Variants in NCOA3 observed in about 807,000 individuals in gnomAD.
NCOA3 encodes the protein nuclear receptor coactivator 3, also known as CBP-interacting protein.
A neutral mutation model predicts 158.8 loss-of-function variants in NCOA3; 51 were observed. The ratio of observed to expected loss-of-function variants is 0.32; its 90% CI spans 0.26 to 0.41. The LOEUF (loss-of-function observed/expected upper bound fraction) is 0.41, where lower values mean the gene tolerates loss of function less well. Among genes scored for constraint, NCOA3 ranks in the 10% least tolerant of loss-of-function variants. NCOA3 has a pLI of 1.00. For missense variants in NCOA3, 1,510 were observed against 1,746.6 expected (o/e 0.86, Z 2.41); for synonymous variants, 537 against 592.4 (o/e 0.91, Z 1.36).
intron 1 of NCOA3, among the ~76,000 whole-genome samples, chr20:47,515,472 C>CTTTTTTTT (rs111350575): frequency 1.5e-4 from 20 of 130,016 alleles, no homozygotes; most frequent in South Asian, 2.5e-4. Flanking sequence ...TTCTTTCTTT[C>CTTTTTTTT]TTTTTTTTTT....
At chr20:47,543,843 C>T (rs2084783460) in intron 1 of NCOA3, among the ~76,000 whole-genome samples, 1 of 152,118 alleles carries the variant, frequency 6.6e-6, no homozygotes, top group Admixed American at 6.6e-5. Flanking sequence ...TATTTGGTCA[C>T]CTGGTGTGGG....
intron 1 of NCOA3, among the ~76,000 whole-genome samples, chr20:47,575,780 G>A: frequency 6.6e-6 from 1 of 152,190 alleles, no homozygotes; most frequent in East Asian, 1.9e-4. Flanking sequence ...GTCAAAGAGA[G>A]AAATATTGCT....
At chr20:47,628,052 T>C (rs781402899) in intron 8 of NCOA3, 29 bp downstream of exon 8, 2 of 1,501,412 alleles carry the variant, frequency 1.3e-6, no homozygotes, top group South Asian at 1.1e-5. Flanking sequence ...TCTCTCTCTC[T>C]CTCTGTGTAT....
intron 2 of NCOA3, among the ~76,000 whole-genome samples, chr20:47,616,051 A>G (rs111904231): frequency 0.14 from 20,484 of 151,306 alleles, 1,992 homozygotes; most frequent in African/African-American, 0.26. Flanking sequence ...CCAGCTACTC[A>G]GGAGGCTGAG....
rs2284323 is a variant in NCOA3 at position 47,603,481 on chromosome 20, A to G, written c.-19-18748A>G. ...AGCCCAAGTAGGCATGTGTTACAGT[A>G]TGCTCTTTTTGCTTTGCCGACCATG... On this transcript the variant is annotated intron_variant, in intron 2 of 22. Coordinates refer to ENST00000371998, the MANE Select transcript of NCOA3 (RefSeq NM_181659.3). Among the ~76,000 whole-genome samples the G allele has an allele frequency of 2.9e-3, 447 of 152,352 alleles. 10 individuals carry two copies. In the East Asian group the frequency reaches 0.056, roughly 19 times the overall value.
At chr20:47,641,688 C>T (rs8123885) in intron 16 of NCOA3, among the ~76,000 whole-genome samples, 33,996 of 150,522 alleles carry the variant, frequency 0.23, 4,077 homozygotes, top group Middle Eastern at 0.3. Context: ...TTAGTAGAGA[C>T]GGGGTTTCAC....
At chr20:47,514,301 A>T (rs562430828) in intron 1 of NCOA3, among the ~76,000 whole-genome samples, 5 of 152,034 alleles carry the variant, frequency 3.3e-5, no homozygotes, top group Non-Finnish European at 7.4e-5. Context: ...TCATAACCCA[A>T]TTTCAAATTT....
chr20:47,651,890 T>A (rs989047337), intron 20 of NCOA3, among the ~76,000 whole-genome samples: 2 of 151,848 alleles, frequency 1.3e-5, no homozygotes, highest in Admixed American at 1.3e-4. Flanking sequence ...ATGGTCTCGA[T>A]CTCCTGACCT....
At chr20:47,572,686 G>A (rs904347733) in intron 1 of NCOA3, among the ~76,000 whole-genome samples, 4 of 151,936 alleles carry the variant, frequency 2.6e-5, no homozygotes, top group African/African-American at 4.8e-5. Flanking sequence ...GTAGGTGTGC[G>A]CCACCAGACC....
chr20:47,502,651 C>T (rs1569306933), intron 1 of NCOA3, among the ~76,000 whole-genome samples: 3 of 151,076 alleles, frequency 2.0e-5, no homozygotes, highest in Non-Finnish European at 4.4e-5. Context: ...TGGGAAATGG[C>T]AAGTGGGAAG....
chr20:47,516,196 A>G (rs765347466), intron 1 of NCOA3, among the ~76,000 whole-genome samples: 4 of 152,208 alleles, frequency 2.6e-5, no homozygotes, highest in Admixed American at 6.5e-5. Flanking sequence ...ACTCTGGATG[A>G]TAATGATGCC....
chr20:47,558,230 G>GTTTTTTTTTT (rs1169500513), intron 1 of NCOA3, among the ~76,000 whole-genome samples: 1 of 45,546 alleles, frequency 2.2e-5, no homozygotes, highest in African/African-American at 9.2e-5. Context: ...AGCTAATTTT[G>GTTTTTTTTTT]TATTTTTTTT....
At chr20:47,538,735 A>T (rs781211910) in intron 1 of NCOA3, among the ~76,000 whole-genome samples, 1 of 152,076 alleles carries the variant, frequency 6.6e-6, no homozygotes, top group Non-Finnish European at 1.5e-5. Flanking sequence ...TAGTAGAGAC[A>T]GGGTTTCCCC....
intron 1 of NCOA3, among the ~76,000 whole-genome samples, chr20:47,534,192 T>G (rs1219154367): frequency 6.6e-6 from 1 of 152,034 alleles, no homozygotes; most frequent in Non-Finnish European, 1.5e-5. Context: ...TTGTTTGGCT[T>G]CATTTTCTTG....
At position 47,636,328 on chromosome 20, in the gene NCOA3, G is replaced by C. The variant is rs2086515568; in HGVS notation, c.1942G>C (p.Glu648Gln). 1.9e-6 allele frequency: 3 copies of C among 1,614,160 alleles called. No individual in the cohort carries two copies. The East Asian group carries it at 6.7e-5, about 36-fold the overall frequency. ...TNSPLDSSCK[E>Q]SSVSVTSPSG... ...CTCCCCCCTAGATTCAAGTTGTAAA[G>C]AATCTTCTGTTAGTGTCACCAGCCC... Residue 648 changes from glutamate (E) to glutamine (Q), a missense_variant, in exon 12 of 23, where the codon GAA (glutamate) becomes CAA (glutamine). Glu to Gln is a conservative substitution (Grantham distance 29). Around this residue, in one of 4 missense-constraint regions of NCOA3, gnomAD observed 1,017 missense variants for 1,098.3 expected, o/e 0.93. Transcript: ENST00000371998.
chr20:47,598,644 A>G (rs2085804479), intron 2 of NCOA3, among the ~76,000 whole-genome samples: 1 of 152,174 alleles, frequency 6.6e-6, no homozygotes, highest in Non-Finnish European at 1.5e-5. Flanking sequence ...GCTGAAACCT[A>G]TTTTTATTAT....
chr20:47,611,515 C>CT (rs1394781667), intron 2 of NCOA3, among the ~76,000 whole-genome samples: 2 of 152,108 alleles, frequency 1.3e-5, no homozygotes, highest in Admixed American at 6.6e-5. Context: ...AAATCTCCTC[C>CT]TCGGCCGGGC....
At position 47,636,491 on chromosome 20, in the gene NCOA3, CT is replaced by C; in HGVS notation, c.2106del (p.Ala703GlnfsTer11). ...GNSPAEVAKI[T>X]AEATGKDTSS... ...TCACCAGCTGAGGTAGCCAAGATTA[CT>C]GCAGAAGCCACTGGGAAAGACACCA... is the stretch of plus-strand genomic sequence containing the variant. On this transcript the variant is annotated frameshift_variant, in exon 12 of 23. Transcript: ENST00000371998. LOFTEE classifies it high-confidence loss of function. The C allele has an allele frequency of 6.2e-7, 1 of 1,614,176 alleles. No homozygotes were observed. The highest frequency in any genetic ancestry group is 2.2e-5 in the East Asian group (1 of 44,884).
intron 2 of NCOA3, among the ~76,000 whole-genome samples, chr20:47,607,572 GGGT>G (rs2146270656): frequency 6.6e-6 from 1 of 152,144 alleles, no homozygotes; most frequent in South Asian, 2.1e-4. Flanking sequence ...TCATTTCTCT[GGGT>G]ATCTCTCATG....
Sources: gnomAD v4.1 joint callset for allele counts (sites outside exome capture counted in the v4.1 genomes callset) on GRCh38, gnomAD v4.1.1 for gene constraint, gnomAD v4.1.1 regional missense constraint, MANE v1.5 for transcripts, NCBI Gene and HGNC (gene_info 2026-07-23, HGNC 2026-07-21) for gene names.